The following ARHGAP24 variants were observed in gnomAD, a reference collection of about 807,000 sequenced individuals.
ARHGAP24 encodes rho GTPase-activating protein 24.
In ARHGAP24, 50 loss-of-function variants were observed where a neutral mutation model predicts 76.4. The ratio of observed to expected loss-of-function variants is 0.65; its 90% CI spans 0.52 to 0.83. ARHGAP24 has a LOEUF of 0.83. Among genes scored for constraint, ARHGAP24 ranks in the 40% least tolerant of loss-of-function variants. The probability of loss-of-function intolerance (pLI) is 0.00; values close to 1 mark genes in which losing one functional copy is unlikely to be tolerated. For missense variants in ARHGAP24, 930 were observed against 914.2 expected (o/e 1.02, Z -0.22); for synonymous variants, 345 against 323.3 (o/e 1.07, Z -0.72).
chr4:85,768,334 A>C (rs1727004751), intron 3 of ARHGAP24, among the ~76,000 whole-genome samples: 1 of 152,228 alleles, frequency 6.6e-6, no homozygotes, highest in Non-Finnish European at 1.5e-5. Context: ...CCATAAAATC[A>C]GTATATATGA....
intron 3 of ARHGAP24, among the ~76,000 whole-genome samples, chr4:85,797,166 TTTTTTTG>T (rs1728384019): frequency 1.1e-5 from 1 of 90,220 alleles, no homozygotes; most frequent in Non-Finnish European, 3.3e-5. Flanking sequence ...TTTTTGTTTT[TTTTTTTG>T]TTTTTGTTTT....
At chr4:85,786,910 C>A (rs1017178769) in intron 3 of ARHGAP24, among the ~76,000 whole-genome samples, 7 of 152,170 alleles carry the variant, frequency 4.6e-5, no homozygotes, top group African/African-American at 1.7e-4. Flanking sequence ...TTTACTTCAT[C>A]CCTCCTCTTT....
At chr4:85,906,230 C>T (rs753089307) in intron 3 of ARHGAP24, among the ~76,000 whole-genome samples, 23 of 152,268 alleles carry the variant, frequency 1.5e-4, no homozygotes, top group Non-Finnish European at 2.6e-4. Flanking sequence ...AAACCCACCA[C>T]TCACATTAGG....
At chr4:85,776,720 G>A (rs141619378) in intron 3 of ARHGAP24, among the ~76,000 whole-genome samples, 283 of 152,148 alleles carry the variant, frequency 1.9e-3, no homozygotes, top group African/African-American at 6.4e-3. Context: ...TAAACAATCT[G>A]TGACTTCTCT....
chr4:85,837,705 C>T (rs148327984), intron 3 of ARHGAP24, among the ~76,000 whole-genome samples: 1 of 152,146 alleles, frequency 6.6e-6, no homozygotes, highest in Admixed American at 6.5e-5. Context: ...CAGGAGGAGC[C>T]CACTCCCCTA....
At chr4:85,507,130 T>G (rs1343773329) in intron 1 of ARHGAP24, among the ~76,000 whole-genome samples, 1 of 152,190 alleles carries the variant, frequency 6.6e-6, no homozygotes, top group Non-Finnish European at 1.5e-5. Context: ...GGGAGAATGC[T>G]TCCAGAGATC....
intron 3 of ARHGAP24, among the ~76,000 whole-genome samples, chr4:85,767,661 A>AT (rs2110076858): frequency 6.6e-3 from 1 of 152 alleles, no homozygotes; most frequent in Admixed American, 0.5. Context: ...ATTATTAAAG[A>AT]AAAAGAAACA....
At chr4:85,628,005 C>T (rs554177020) in intron 2 of ARHGAP24, among the ~76,000 whole-genome samples, 2 of 152,298 alleles carry the variant, frequency 1.3e-5, no homozygotes, top group South Asian at 2.1e-4. Context: ...AAAGGGAATT[C>T]GCTGACCCCT....
chr4:85,805,916 A>C (rs1206300092), intron 3 of ARHGAP24, among the ~76,000 whole-genome samples: 1 of 152,202 alleles, frequency 6.6e-6, no homozygotes, highest in Non-Finnish European at 1.5e-5. Context: ...ATGTGTACAT[A>C]ATCACAGAAT....
chr4:85,894,319 C>T (rs1418222500), intron 3 of ARHGAP24, among the ~76,000 whole-genome samples: 2 of 151,954 alleles, frequency 1.3e-5, no homozygotes, highest in Non-Finnish European at 2.9e-5. Flanking sequence ...AAGAGTCTCA[C>T]ACAAGAAGAG....
chr4:85,521,633 CT>C (rs1724759375), intron 1 of ARHGAP24, among the ~76,000 whole-genome samples: 1 of 152,136 alleles, frequency 6.6e-6, no homozygotes, highest in African/African-American at 2.4e-5. Flanking sequence ...CTTTGAGTCA[CT>C]TCTCTCCTTT....
intron 3 of ARHGAP24, among the ~76,000 whole-genome samples, chr4:85,848,005 T>A (rs1404140272): frequency 6.6e-6 from 1 of 152,126 alleles, no homozygotes; most frequent in Non-Finnish European, 1.5e-5. Context: ...AGTTAATAAA[T>A]AGGAGAGATA....
rs115365251 is a variant in ARHGAP24 at position 85,874,727 on chromosome 4, A to G, written c.269-48921A>G. On this transcript the variant is annotated intron_variant, in intron 3 of 9. Coordinates refer to ENST00000395184, the MANE Select transcript of ARHGAP24 (RefSeq NM_001025616.3). ...TAATAATTGTATTTGTGAATAATAG[A>G]AAAAGCCTTAACTTAAATGGAATAT... Among the ~76,000 whole-genome samples the G allele has an allele frequency of 3.3e-3, 467 of 143,640 alleles. 8 individuals are homozygous for G. The highest frequency in any genetic ancestry group is 0.012 in the African/African-American group (451 of 38,420). The allele number at this position is 143,640 out of a possible 152,430, so 94.2% of individuals were successfully genotyped here.
intron 1 of ARHGAP24, among the ~76,000 whole-genome samples, chr4:85,483,427 C>T (rs1319185399): frequency 6.6e-6 from 1 of 152,058 alleles, no homozygotes; most frequent in Non-Finnish European, 1.5e-5. Flanking sequence ...CTGAGGTCAA[C>T]ATGGCGAAAC....
intron 3 of ARHGAP24, among the ~76,000 whole-genome samples, chr4:85,887,348 A>G (rs916091888): frequency 1.3e-5 from 2 of 152,166 alleles, no homozygotes; most frequent in Non-Finnish European, 2.9e-5. Flanking sequence ...TTAATTAATT[A>G]TATTTAAAAT....
At chr4:85,871,104 G>A (rs891245309) in intron 3 of ARHGAP24, among the ~76,000 whole-genome samples, 1 of 152,062 alleles carries the variant, frequency 6.6e-6, no homozygotes, top group African/African-American at 2.4e-5. Context: ...TTTCTCATCT[G>A]TTCTAAGGCA....
rs150525059 is a variant in ARHGAP24 at position 85,692,056 on chromosome 4, A to G, written c.181-29829A>G. Reference sequence around the variant, plus strand: ...GAATTCCCTCAGGATTTGCTTGTCTAAAAAGGATTTATTTCTGCTTCCCTT... The same window carrying G: ...GAATTCCCTCAGGATTTGCTTGTCTGAAAAGGATTTATTTCTGCTTCCCTT... On this transcript the variant is annotated intron_variant, in intron 2 of 9. Coordinates refer to ENST00000395184, the MANE Select transcript of ARHGAP24 (RefSeq NM_001025616.3). Among the ~76,000 whole-genome samples the G allele has an allele frequency of 5.4e-3, 816 of 152,290 alleles. 7 individuals are homozygous for G. Among genetic ancestry groups the G allele is most frequent in the African/African-American group, 0.019 (772 of 41,566 alleles).
At chr4:85,915,773 G>A (rs1735352569) in intron 3 of ARHGAP24, among the ~76,000 whole-genome samples, 1 of 152,192 alleles carries the variant, frequency 6.6e-6, no homozygotes, top group Non-Finnish European at 1.5e-5. Context: ...TGGCTGCATA[G>A]TATTCCATGC....
chr4:85,964,787 A>G (rs762141430), intron 5 of ARHGAP24, among the ~76,000 whole-genome samples: 6 of 152,142 alleles, frequency 3.9e-5, no homozygotes, highest in Non-Finnish European at 8.8e-5. Context: ...TCTTACAGCT[A>G]TACTACAAGG....
Sources: allele counts gnomAD v4.1 joint callset (sites outside exome capture counted in the v4.1 genomes callset), GRCh38; gene constraint gnomAD v4.1.1; transcripts MANE v1.5; gene names NCBI Gene and HGNC (gene_info 2026-07-23, HGNC 2026-07-21).